The following TBC1D22A variants were observed in gnomAD, a reference collection of about 807,000 sequenced individuals.
The protein encoded by TBC1D22A is TBC1 domain family member 22A.
TBC1D22A carries 38 observed loss-of-function variants against 60.2 expected under a neutral mutation model. The observed-to-expected ratio is 0.63, with a 90% CI of 0.49 to 0.83. The LOEUF is 0.83. Ranked by LOEUF, TBC1D22A falls within the 40% of genes least tolerant of loss-of-function variation. The pLI, the probability that TBC1D22A is intolerant of heterozygous loss-of-function variation, is 0.00. For missense variants in TBC1D22A, 628 were observed against 701.0 expected, an observed-to-expected ratio of 0.90 and a Z score of 1.18; for synonymous variants, 302 against 281.7, an observed-to-expected ratio of 1.07 and a Z score of -0.72.
At chr22:46,927,497 T>C (rs959947230) in intron 8 of TBC1D22A, among the ~76,000 whole-genome samples, 17 of 152,212 alleles carry the variant, frequency 1.1e-4, no homozygotes, top group African/African-American at 3.1e-4. Flanking sequence ...AACATCATGC[T>C]TAGTTGAAAA....
At chr22:46,884,727 G>A (rs921948296) in intron 5 of TBC1D22A, among the ~76,000 whole-genome samples, 3 of 152,220 alleles carry the variant, frequency 2.0e-5, no homozygotes, top group African/African-American at 7.2e-5. Flanking sequence ...TACAAAAATG[G>A]GTGGGCAGGA....
chr22:46,903,172 G>C (rs939571076), intron 7 of TBC1D22A, among the ~76,000 whole-genome samples: 4 of 152,198 alleles, frequency 2.6e-5, no homozygotes, highest in African/African-American at 9.7e-5. Context: ...CCCTGCAGGG[G>C]GTCACAGACC....
At chr22:46,907,319 C>G (rs1325743549) in intron 7 of TBC1D22A, among the ~76,000 whole-genome samples, 1 of 152,182 alleles carries the variant, frequency 6.6e-6, no homozygotes, top group Non-Finnish European at 1.5e-5. Context: ...TCTGCCCCTT[C>G]CTCTCTGTGC....
At chr22:46,904,536 T>C (rs529087838) in intron 7 of TBC1D22A, among the ~76,000 whole-genome samples, 2 of 152,022 alleles carry the variant, frequency 1.3e-5, no homozygotes, top group Admixed American at 6.6e-5. Flanking sequence ...TGGTGTGATC[T>C]TGGCTCTCAG....
At chr22:46,935,557 G>T (rs781692004) in intron 8 of TBC1D22A, among the ~76,000 whole-genome samples, 3 of 152,208 alleles carry the variant, frequency 2.0e-5, no homozygotes, top group Non-Finnish European at 4.4e-5. Context: ...TTCAAAGCTC[G>T]AAGTTTGGGT....
intron 1 of TBC1D22A, among the ~76,000 whole-genome samples, chr22:46,787,505 A>C (rs1013098669): frequency 1.3e-5 from 2 of 152,188 alleles, no homozygotes; most frequent in African/African-American, 4.8e-5. Context: ...GTTTACTGCT[A>C]AAGTACTGGC....
chr22:46,858,435 G>C (rs568011635), intron 4 of TBC1D22A, among the ~76,000 whole-genome samples: 27 of 147,974 alleles, frequency 1.8e-4, no homozygotes, highest in African/African-American at 6.4e-4. Context: ...GCCCTGTGCC[G>C]GCAGGCTTTG....
At chr22:47,133,594 G>A (rs1314245637) in intron 12 of TBC1D22A, among the ~76,000 whole-genome samples, 1 of 152,196 alleles carries the variant, frequency 6.6e-6, no homozygotes, top group African/African-American at 2.4e-5. Flanking sequence ...TTCGACATTC[G>A]TTTTTAGGAC....
rs571376594 is a variant in TBC1D22A, at chr22:46,962,949, C to T, written c.1016-11341C>T. On this transcript the variant is annotated intron_variant, in intron 8 of 12. Coordinates refer to ENST00000337137, the MANE Select transcript of TBC1D22A (RefSeq NM_014346.5). ...AGTGCCTGGGCCGGGTGCAGTGGCT[C>T]ATGCCTGTAATCCCAGCACTTTGGG... Among the ~76,000 whole-genome samples the T allele has an allele frequency of 1.3e-4, 19 of 151,980 alleles. No individual in the cohort carries two copies. In the East Asian group the frequency reaches 3.3e-3, roughly 26 times the overall value.
chr22:47,120,642 A>G (rs1484809085), intron 12 of TBC1D22A, among the ~76,000 whole-genome samples: 1 of 152,240 alleles, frequency 6.6e-6, no homozygotes, highest in East Asian at 1.9e-4. Flanking sequence ...TGCCTACGTC[A>G]GGACCCCTGA....
chr22:47,140,420 G>A (rs1338064576), intron 12 of TBC1D22A, among the ~76,000 whole-genome samples: 1 of 152,056 alleles, frequency 6.6e-6, no homozygotes, highest in Non-Finnish European at 1.5e-5. Context: ...TTAGCCGGGT[G>A]TGGTGGCGGG....
chr22:47,116,093 G>C (rs2066040160), intron 12 of TBC1D22A: 1 of 152,260 alleles, frequency 6.6e-6, no homozygotes, highest in African/African-American at 2.4e-5. Context: ...ATCCTCGCCA[G>C]CTTCCCCTCC....
intron 4 of TBC1D22A, among the ~76,000 whole-genome samples, chr22:46,812,955 T>C (rs1192600956): frequency 3.3e-5 from 5 of 152,232 alleles, no homozygotes; most frequent in Non-Finnish European, 7.3e-5. Flanking sequence ...TTTCCTGTTA[T>C]TGATAGAGTC....
At chr22:46,835,979 T>C (rs1161289740) in intron 4 of TBC1D22A, among the ~76,000 whole-genome samples, 1 of 151,984 alleles carries the variant, frequency 6.6e-6, no homozygotes, top group African/African-American at 2.4e-5. Flanking sequence ...AAGAATACAA[T>C]ACCCAGCAAA....
intron 12 of TBC1D22A, among the ~76,000 whole-genome samples, chr22:47,118,816 C>CACACAT (rs1813298497): frequency 6.8e-6 from 1 of 146,610 alleles, no homozygotes; most frequent in African/African-American, 2.6e-5. Context: ...CACACACATA[C>CACACAT]ATTTAAAAAA....
intron 11 of TBC1D22A, among the ~76,000 whole-genome samples, chr22:47,040,751 A>G (rs2062814105): frequency 6.6e-6 from 1 of 152,174 alleles, no homozygotes; most frequent in South Asian, 2.1e-4. Flanking sequence ...GGAATGAAAA[A>G]GAACAACAGG....
At chr22:46,871,731 A>G (rs2067301904) in intron 4 of TBC1D22A, among the ~76,000 whole-genome samples, 2 of 152,252 alleles carry the variant, frequency 1.3e-5, no homozygotes, top group African/African-American at 4.8e-5. Context: ...CTGTATGAGA[A>G]AAGAATAAAG....
chr22:46,783,824 G>A (rs2084045546), intron 1 of TBC1D22A, among the ~76,000 whole-genome samples: 2 of 152,008 alleles, frequency 1.3e-5, no homozygotes, highest in South Asian at 4.1e-4. Flanking sequence ...GGGCATCTAG[G>A]TTTATCTCAA....
chr22:46,942,809 A>G (rs529044675), intron 8 of TBC1D22A, among the ~76,000 whole-genome samples: 7 of 152,336 alleles, frequency 4.6e-5, no homozygotes, highest in African/African-American at 1.7e-4. Context: ...GGAAAAATCA[A>G]TTTAATTACT....
Sources: gnomAD v4.1 joint callset for allele counts (sites outside exome capture counted in the v4.1 genomes callset) on GRCh38, gnomAD v4.1.1 for gene constraint, MANE v1.5 for transcripts, NCBI Gene and HGNC (gene_info 2026-07-23, HGNC 2026-07-21) for gene names.